CEPT1: variants seen among roughly 807,000 people sequenced by gnomAD.
CEPT1 encodes the protein choline/ethanolamine phosphotransferase 1.
In CEPT1, 7 loss-of-function variants were observed where a neutral mutation model predicts 42.6. The ratio of observed to expected loss-of-function variants is 0.16; its 90% CI spans 0.09 to 0.31. The LOEUF (loss-of-function observed/expected upper bound fraction) is 0.31, where lower values mean the gene tolerates loss of function less well. Among genes scored for constraint, CEPT1 ranks in the 10% least tolerant of loss-of-function variants. The probability of loss-of-function intolerance (pLI) is 1.00; values close to 1 mark genes in which losing one functional copy is unlikely to be tolerated. For missense variants in CEPT1, 306 were observed against 502.1 expected, an observed-to-expected ratio of 0.61 and a Z score of 3.73; for synonymous variants, 171 against 171.9, an observed-to-expected ratio of 0.99 and a Z score of 0.04.
At chr1:111,151,382 A>G (rs1407942331) in intron 2 of CEPT1, among the ~76,000 whole-genome samples, 1 of 152,206 alleles carries the variant, frequency 6.6e-6, no homozygotes, top group African/African-American at 2.4e-5. Flanking sequence ...TTGGCCTCCC[A>G]GAGTGCTGGG....
chr1:111,151,435 A>T (rs951511045), intron 2 of CEPT1, among the ~76,000 whole-genome samples: 1 of 152,168 alleles, frequency 6.6e-6, no homozygotes, highest in Admixed American at 6.5e-5. Context: ...TTGGTATTAT[A>T]CATTTTAGAG....
chr1:111,162,782 A>C (rs1192491759), intron 4 of CEPT1, among the ~76,000 whole-genome samples: 1 of 152,228 alleles, frequency 6.6e-6, no homozygotes, highest in Non-Finnish European at 1.5e-5. Flanking sequence ...TTTCTGTGTA[A>C]TGGTGAGACA....
chr1:111,183,395 T>C lies in CEPT1; in HGVS notation c.1006-67T>C. ...TGGAAGTTGATATCTGAGCACAATA[T>C]GATTTACTGTGTAGTTCACAATTGT... On this transcript the variant is annotated intron_variant, in intron 7 of 8. Transcript: ENST00000357172. 5 of 1,532,230 alleles carry C rather than the reference T, an allele frequency of 3.3e-6. No homozygotes were observed. In the South Asian group the frequency reaches 5.7e-5, roughly 18 times the overall value. The allele number at this position is 1,532,230 out of a possible 1,614,324, so 94.9% of individuals were successfully genotyped here.
chr1:111,155,553 T>C (rs1485952690), intron 2 of CEPT1, among the ~76,000 whole-genome samples: 1 of 151,864 alleles, frequency 6.6e-6, no homozygotes, highest in African/African-American at 2.4e-5. Context: ...TGGGGGTTTT[T>C]TTTGAGATGG....
chr1:111,158,404 T>C (rs950634001), intron 2 of CEPT1, among the ~76,000 whole-genome samples: 2 of 152,166 alleles, frequency 1.3e-5, no homozygotes, highest in African/African-American at 2.4e-5. Flanking sequence ...GTTCAATTTC[T>C]GTTTGGGAAA....
At chr1:111,147,420 C>G (rs921099333) in intron 1 of CEPT1, among the ~76,000 whole-genome samples, 1 of 152,154 alleles carries the variant, frequency 6.6e-6, no homozygotes, top group African/African-American at 2.4e-5. Context: ...AGGAAGCATA[C>G]TACTATTAAA....
At position 111,149,557 on chromosome 1, in the gene CEPT1, G is replaced by A. The variant is rs150592049; in HGVS notation, c.339+1504G>A. On this transcript the variant is annotated intron_variant, in intron 2 of 8. Coordinates refer to ENST00000357172, the MANE Select transcript of CEPT1 (RefSeq NM_006090.5). ...GGATTACAGTGAGCAACTGCGCCCAGCTCCCCTCCTCTTTTTAACTCTCTT... is the reference window on the plus strand; with the variant it reads ...GGATTACAGTGAGCAACTGCGCCCAACTCCCCTCCTCTTTTTAACTCTCTT... Among the ~76,000 whole-genome samples the A allele has an allele frequency of 1.3e-4, 20 of 152,214 alleles. No homozygotes were observed. The East Asian group carries it at 3.3e-3, about 25-fold the overall frequency.
At chr1:111,170,420 A>G (rs1196312418) in intron 4 of CEPT1, among the ~76,000 whole-genome samples, 1 of 152,188 alleles carries the variant, frequency 6.6e-6, no homozygotes, top group Non-Finnish European at 1.5e-5. Flanking sequence ...AATTTCAAAA[A>G]TAGACTTGTC....
intron 5 of CEPT1, 52 bp from the exon 6 acceptor site, chr1:111,182,132 TTTC>T: frequency 2.2e-6 from 3 of 1,390,962 alleles, no homozygotes; most frequent in Non-Finnish European, 2.0e-6. Flanking sequence ...ATTAGACTGT[TTTC>T]TTATTTTAGT....
Position 111,161,312 on chromosome 1 carries a change from TG to T in CEPT1, c.629+18del, listed in dbSNP as rs1655856983. 2 of 1,583,286 alleles carry T rather than the reference TG, an allele frequency of 1.3e-6. No individual in the cohort carries two copies. Among genetic ancestry groups the T allele is most frequent in the Non-Finnish European group, 1.7e-6 (2 of 1,166,744 alleles). On this transcript the variant is annotated intron_variant, in intron 4 of 8. Transcript: ENST00000357172. ...GATTTGGAATGTAAGTAATACTTAA[TG>T]GTAATTTTTGTTTTCTCTTTCACAT...
intron 2 of CEPT1, among the ~76,000 whole-genome samples, chr1:111,157,360 T>A (rs113408265): frequency 2.0e-5 from 3 of 152,348 alleles, no homozygotes; most frequent in Non-Finnish European, 2.9e-5. Context: ...GAATTTTCTA[T>A]GAAGATGGGC....
intron 4 of CEPT1, chr1:111,167,164 C>G: frequency 1.0e-6 from 1 of 985,114 alleles, no homozygotes; most frequent in Non-Finnish European, 1.2e-6. Context: ...CACAGGAACC[C>G]TGGGGCCTTG....
intron 4 of CEPT1, among the ~76,000 whole-genome samples, chr1:111,171,344 G>A (rs949212117): frequency 1.1e-4 from 16 of 152,134 alleles, no homozygotes; most frequent in African/African-American, 3.6e-4. Context: ...TTGTAGTGAC[G>A]AAGACCTCCT....
Position 111,155,057 on chromosome 1 carries a change from G to A in CEPT1, c.340-4323G>A, listed in dbSNP as rs574749174. 6.6e-5 allele frequency among the ~76,000 whole-genome samples: 10 copies of A among 152,266 alleles called. No homozygotes were observed. The East Asian group carries it at 1.9e-3, about 29-fold the overall frequency. ...ATTTTGGAATAGTTTCAGAAGAATTGGTGTAGTTCTTTAAAAGTTTGGTAG... is the reference window on the plus strand; with the variant it reads ...ATTTTGGAATAGTTTCAGAAGAATTAGTGTAGTTCTTTAAAAGTTTGGTAG... On this transcript the variant is annotated intron_variant, in intron 2 of 8. Transcript: ENST00000357172.
chr1:111,184,299 A>G lies in CEPT1; in HGVS notation c.1240A>G (p.Asn414Asp). 2 of 1,611,158 alleles carry G rather than the reference A, an allele frequency of 1.2e-6. No individual in the cohort carries two copies. The highest frequency in any genetic ancestry group is 1.7e-6 in the Non-Finnish European group (2 of 1,178,012). ...AATCAAGGTCTCTACAGCTCATTCT[A>G]ATCATCATTAATGATGTAATTGGTA... The part of the protein sequence containing the change: ...FRIKVSTAHS[N>D]HH Residue 414 changes from asparagine (N) to aspartate (D), a missense_variant, in exon 9 of 9, where the codon AAT (asparagine) becomes GAT (aspartate). This residue lies in a region of CEPT1 where 253 missense variants were observed against 447.3 expected (regional missense o/e 0.57). Coordinates refer to ENST00000357172, the MANE Select transcript of CEPT1 (RefSeq NM_006090.5).
intron 5 of CEPT1, among the ~76,000 whole-genome samples, chr1:111,175,334 A>G (rs1249676227): frequency 6.6e-6 from 1 of 152,208 alleles, no homozygotes; most frequent in African/African-American, 2.4e-5. Context: ...TTAAAGCTGA[A>G]TAACAAATTT....
chr1:111,176,955 A>G (rs1202957252), intron 5 of CEPT1, among the ~76,000 whole-genome samples: 2 of 152,242 alleles, frequency 1.3e-5, no homozygotes, highest in Non-Finnish European at 2.9e-5. Context: ...AAAATAAGAC[A>G]TATCAGTGAA....
At chr1:111,154,659 C>CAATTTGTGGTGCATAAT (rs1571124242) in intron 2 of CEPT1, among the ~76,000 whole-genome samples, 1 of 152,046 alleles carries the variant, frequency 6.6e-6, no homozygotes, top group East Asian at 1.9e-4. Context: ...AGGTATGTTT[C>CAATTTGTGGTGCATAAT]TTGTATGCAT....
intron 1 of CEPT1, among the ~76,000 whole-genome samples, chr1:111,145,215 C>T (rs1413530262): frequency 6.6e-6 from 1 of 152,060 alleles, no homozygotes; most frequent in Non-Finnish European, 1.5e-5. Context: ...GGGGTTTCAC[C>T]GTGTTGGCCA....
Sources: allele counts gnomAD v4.1 joint callset (sites outside exome capture counted in the v4.1 genomes callset), GRCh38; gene constraint gnomAD v4.1.1; regional missense constraint gnomAD v4.1.1; transcripts MANE v1.5; gene names NCBI Gene and HGNC (gene_info 2026-07-23, HGNC 2026-07-21).